SLC49A3: variants seen among roughly 807,000 people sequenced by gnomAD.
SLC49A3 encodes solute carrier family 49 member 3.
Under a neutral mutation model 43.8 loss-of-function variants are expected in SLC49A3, and 50 were observed. The ratio of observed to expected loss-of-function variants is 1.14; its 90% CI spans 0.91 to 1.45. SLC49A3 has a LOEUF of 1.45. SLC49A3 is among the 40% of genes most tolerant of loss of function. SLC49A3 has a pLI of 0.00. For synonymous variants in SLC49A3, 413 were observed against 352.0 expected, an observed-to-expected ratio of 1.17 and a Z score of -1.94; for missense variants, 906 against 774.1, an observed-to-expected ratio of 1.17 and a Z score of -2.02.
chr4:683,039 G>A (rs946758875), intron 8 of SLC49A3, 149 bp from the exon 9 acceptor site: 12 of 1,125,748 alleles, frequency 1.1e-5, no homozygotes, highest in South Asian at 6.2e-5. Context: ...CCTATCAGCC[G>A]GCCCGGCCTG....
Position 685,861 on chromosome 4 carries a change from T to G in SLC49A3, c.559A>C (p.Lys187Gln). Residue 187 changes from lysine to glutamine, a missense_variant, in exon 4 of 10, where the codon AAG (lysine) becomes CAG (glutamine). Physicochemically the swap from Lys to Gln is moderately conservative, Grantham distance 53 (BLOSUM62 1). Transcript: ENST00000322224. This position sits in a 1 kb window ranked among gnomAD's most constrained non-coding sequence, Gnocchi z 4.3. Reference protein sequence around the residue: ...VANVLSPVLVKKGEDIPLMLG... With the variant: ...VANVLSPVLVQKGEDIPLMLG... Reference sequence around the variant, plus strand: ...ATTAACGGAATGTCCTCACCCTTCTTGACCAGCACAGGGGACAGCACATTG... The same window carrying G: ...ATTAACGGAATGTCCTCACCCTTCTGGACCAGCACAGGGGACAGCACATTG... 6.2e-7 allele frequency: 1 copy of G among 1,613,936 alleles called. No homozygotes were observed. Among genetic ancestry groups the G allele is most frequent in the Non-Finnish European group, 8.5e-7 (1 of 1,179,982 alleles).
downstream of SLC49A3, chr4:678,874 C>T (rs542598674): frequency 3.9e-5 from 62 of 1,606,542 alleles, no homozygotes; most frequent in Non-Finnish European, 5.0e-5. Flanking sequence ...TATCCTCAGT[C>T]AGGGGTGCTG....
rs951217286 is a variant in SLC49A3, at chr4:684,914, C to A, written c.586-58G>T. On this transcript the variant is annotated intron_variant, in intron 4 of 9. Coordinates refer to ENST00000322224, the MANE Select transcript of SLC49A3 (RefSeq NM_032219.4). Reference sequence around the variant, plus strand: ...CGCAGACTGGCACCCACACACGCCGCAGCCCTGCCTGTCCCAGGCGCCACC... The same window carrying A: ...CGCAGACTGGCACCCACACACGCCGAAGCCCTGCCTGTCCCAGGCGCCACC... 11 of 1,555,202 alleles carry A rather than the reference C, an allele frequency of 7.1e-6. No individual in the cohort carries two copies. In the African/African-American group the frequency reaches 8.3e-5, roughly 12 times the overall value.
chr4:683,911 G>A, intron 6 of SLC49A3, 150 bp from the exon 7 acceptor site: 4 of 1,052,538 alleles, frequency 3.8e-6, no homozygotes, highest in East Asian at 2.8e-5. Flanking sequence ...CTGGCTGCCT[G>A]CGGGGTAGGG....
At chr4:680,641 C>A, downstream of SLC49A3, 1 of 1,566,264 alleles carries the variant, frequency 6.4e-7, no homozygotes, top group Non-Finnish European at 8.8e-7. Flanking sequence ...CCAGTGATCT[C>A]ATCCTGTCCC....
chr4:680,559 G>A (rs760168482), downstream of SLC49A3: 5 of 1,613,410 alleles, frequency 3.1e-6, no homozygotes, highest in East Asian at 8.9e-5. Context: ...GCTGGACCCG[G>A]ACGGGAAAGG....
intron 8 of SLC49A3, 61 bp from the exon 9 acceptor site, chr4:682,951 C>G (rs1399432294): frequency 1.1e-5 from 15 of 1,409,474 alleles, no homozygotes; most frequent in Non-Finnish European, 1.2e-5. Context: ...CCAGGTGCCA[C>G]CTTGGGAAAT....
downstream of SLC49A3, chr4:677,807 A>C: frequency 1.5e-6 from 1 of 675,708 alleles, no homozygotes; most frequent in Non-Finnish European, 2.6e-6. Flanking sequence ...GTATCTGGGG[A>C]GGCTGGGGGC....
chr4:687,656 G>A (rs907395179), intron 1 of SLC49A3, among the ~76,000 whole-genome samples: 2 of 152,216 alleles, frequency 1.3e-5, no homozygotes, highest in African/African-American at 2.4e-5. Context: ...TGAAGCGTGC[G>A]GGGCAACGTG....
At chr4:679,153 C>G, downstream of SLC49A3, 1 of 694,024 alleles carries the variant, frequency 1.4e-6, no homozygotes, top group Non-Finnish European at 2.1e-6. Context: ...AGAGGCCCAC[C>G]AACGGCCCTG....
chr4:681,012 C>T (rs1739423133), downstream of SLC49A3: 2 of 1,491,682 alleles, frequency 1.3e-6, no homozygotes, highest in Non-Finnish European at 1.8e-6. Flanking sequence ...CAACCTGGGG[C>T]CCCTGGAGCA....
chr4:687,834 G>A (rs1463772905), intron 1 of SLC49A3: 1 of 152,364 alleles, frequency 6.6e-6, no homozygotes, highest in Non-Finnish European at 1.5e-5. Flanking sequence ...TGGAACCCGG[G>A]ATCCCTGGTC....
chr4:678,672 CAAG>C (rs1185860939), downstream of SLC49A3: 7 of 1,609,398 alleles, frequency 4.3e-6, no homozygotes, highest in Middle Eastern at 1.7e-4. Context: ...GCAGGAAGAC[CAAG>C]AAGAAGGAAG....
At chr4:688,457 C>T (rs1358635200) in intron 1 of SLC49A3, among the ~76,000 whole-genome samples, 2 of 152,218 alleles carry the variant, frequency 1.3e-5, no homozygotes, top group African/African-American at 4.8e-5. Context: ...TGGCCAGATA[C>T]TGCCTGACCA....
chr4:681,557 C>T (rs1257388475), downstream of SLC49A3, among the ~76,000 whole-genome samples: 1 of 148,580 alleles, frequency 6.7e-6, no homozygotes, highest in Non-Finnish European at 1.5e-5. Context: ...GCTGAAGGGC[C>T]GAGCCCGACA....
chr4:681,010 G>C, downstream of SLC49A3: 1 of 1,490,860 alleles, frequency 6.7e-7, no homozygotes, highest in Non-Finnish European at 9.1e-7. Context: ...TACAACCTGG[G>C]GCCCCTGGAG....
chr4:681,105 CTGA>C (rs1266880537), downstream of SLC49A3: 7 of 1,605,444 alleles, frequency 4.4e-6, no homozygotes, highest in Non-Finnish European at 5.1e-6. Flanking sequence ...CAAGCGTCTG[CTGA>C]TGTCCCAGGC....
Position 684,840 on chromosome 4 carries a change from A to G in SLC49A3, c.602T>C (p.Ile201Thr). 6.2e-7 allele frequency: 1 copy of G among 1,612,318 alleles called. No individual in the cohort carries two copies. Among genetic ancestry groups the G allele is most frequent in the South Asian group, 1.1e-5 (1 of 91,064 alleles). ...DIPLMLGVYT[I>T]PAGVVCLLST... ...CAGCAGGCAGACGACGCCAGCAGGG[A>G]TGGTATAGACACCGAGCTGGGGAGG... The change falls in exon 5 of 10, where the codon ATC becomes ACC. Residue 201 changes from isoleucine (I) to threonine (T), a missense_variant. By Grantham distance (89) the Ile-to-Thr change is moderately conservative. Coordinates refer to ENST00000322224, the MANE Select transcript of SLC49A3 (RefSeq NM_032219.4).
chr4:682,529 G>A (rs539696993), intron 9 of SLC49A3, among the ~76,000 whole-genome samples, 153 bp from the exon 10 acceptor site: 63 of 152,220 alleles, frequency 4.1e-4, no homozygotes, highest in Non-Finnish European at 6.8e-4. Context: ...CCCTGAGGGG[G>A]TGTTTGCAGA....
Sources: allele counts gnomAD v4.1 joint callset (sites outside exome capture counted in the v4.1 genomes callset), GRCh38; gene constraint gnomAD v4.1.1; non-coding constraint Gnocchi (gnomAD v3.1); transcripts MANE v1.5; gene names NCBI Gene and HGNC (gene_info 2026-07-23, HGNC 2026-07-21).